Variants in MIDEAS observed in about 807,000 individuals in gnomAD.
MIDEAS encodes mitotic deacetylase associated SANT domain protein.
A neutral mutation model predicts 102.7 loss-of-function variants in MIDEAS; 26 were observed. That is an observed-to-expected ratio of 0.25 (90% confidence interval 0.19 to 0.35). The LOEUF is 0.35. MIDEAS is among the 10% of genes least tolerant of loss of function. The pLI, the probability that MIDEAS is intolerant of heterozygous loss-of-function variation, is 1.00. For missense variants in MIDEAS, 1,231 were observed against 1,435.6 expected, an observed-to-expected ratio of 0.86 and a Z score of 2.30; for synonymous variants, 585 against 591.0, an observed-to-expected ratio of 0.99 and a Z score of 0.15.
At position 73,740,011 on chromosome 14, in the gene MIDEAS, T is replaced by C. The variant is rs1474105773; in HGVS notation, c.-3A>G. The C allele has an allele frequency of 6.7e-7, 1 of 1,482,352 alleles. No homozygotes were observed. The highest frequency in any genetic ancestry group is 9.0e-7 in the Non-Finnish European group (1 of 1,113,864). 91.8% of individuals were successfully genotyped at this position (1,482,352 alleles called of 1,614,324 possible). On this transcript the variant is annotated 5_prime_UTR_variant, in exon 2 of 13. Coordinates refer to ENST00000423556, the MANE Select transcript of MIDEAS (RefSeq NM_001367710.1). ...TTGGGCTGGGCCTGGAGGTTCATGA[T>C]GTGGCCAACTGAGCCCTGGCGGTGA...
chr14:73,720,937 C>T (rs2052980757), intron 11 of MIDEAS, among the ~76,000 whole-genome samples: 1 of 152,190 alleles, frequency 6.6e-6, no homozygotes, highest in Non-Finnish European at 1.5e-5. Context: ...GTCTGCAAAC[C>T]ACCAATGCTC....
At position 73,759,867 on chromosome 14, in the gene MIDEAS, C is replaced by A. The variant is rs1362561015; in HGVS notation, c.-352G>T. 6.6e-6 allele frequency: 1 copy of A among 152,028 alleles called. No individual in the cohort carries two copies. Among genetic ancestry groups the A allele is most frequent in the Non-Finnish European group, 1.5e-5 (1 of 67,966 alleles). 9.4% of individuals were successfully genotyped at this position (152,028 alleles called of 1,614,324 possible). ...GACTCCAGCCGCCTGCACGCACTCCCGATTTTAAAAACAAACAGGCGCCGT... is the reference window on the plus strand; with the variant it reads ...GACTCCAGCCGCCTGCACGCACTCCAGATTTTAAAAACAAACAGGCGCCGT... On this transcript the variant is annotated 5_prime_UTR_variant, in exon 1 of 13. Coordinates refer to ENST00000423556, the MANE Select transcript of MIDEAS (RefSeq NM_001367710.1). This position sits in a 1 kb window ranked among gnomAD's most constrained non-coding sequence, Gnocchi z 6.7.
In MIDEAS at chr14:73,725,205, G is replaced by T; in HGVS notation, c.2574+67C>A. ...TTTTAAGAGGGATTGGTCACTGGCA[G>T]AGGGAGCCCCAAAGTCACACAGGCA... On this transcript the variant is annotated intron_variant, in intron 9 of 12. Coordinates refer to ENST00000423556, the MANE Select transcript of MIDEAS (RefSeq NM_001367710.1). The surrounding 1 kb of genome is among the most constrained non-coding windows in gnomAD (Gnocchi z 4.1). The T allele has an allele frequency of 1.6e-6, 2 of 1,285,318 alleles. No individual in the cohort carries two copies. The highest frequency in any genetic ancestry group is 1.2e-5 in the South Asian group (1 of 84,162). The allele number at this position is 1,285,318 out of a possible 1,614,324, so 79.6% of individuals were successfully genotyped here. A position where few individuals can be genotyped will look rare whatever the true frequency, so the allele number is the denominator to read the frequency against.
intron 1 of MIDEAS, among the ~76,000 whole-genome samples, chr14:73,753,987 G>T (rs2053452491): frequency 6.6e-6 from 1 of 152,232 alleles, no homozygotes; most frequent in Non-Finnish European, 1.5e-5. Context: ...GATGGCCAGA[G>T]GGAGGCTGAG....
intron 1 of MIDEAS, among the ~76,000 whole-genome samples, chr14:73,777,135 G>T (rs2053698546): frequency 6.6e-6 from 1 of 151,868 alleles, no homozygotes; most frequent in Non-Finnish European, 1.5e-5. Context: ...CCTAAGCAGG[G>T]CCAACCACAT....
chr14:73,756,295 T>TGTGCGCGCGCGCGC (rs55692592), intron 1 of MIDEAS, among the ~76,000 whole-genome samples: 2 of 127,626 alleles, frequency 1.6e-5, no homozygotes, highest in African/African-American at 5.4e-5. Flanking sequence ...TGTGTGTGTG[T>TGTGCGCGCGCGCGC]GCGCGCGCGC....
At chr14:73,746,494 C>G (rs2140135871) in intron 1 of MIDEAS, among the ~76,000 whole-genome samples, 1 of 152,312 alleles carries the variant, frequency 6.6e-6, no homozygotes, top group South Asian at 2.1e-4. Flanking sequence ...GGAGACTCAG[C>G]AGATGTTCCT....
chr14:73,730,034 G>T, intron 3 of MIDEAS, 49 bp from the exon 4 acceptor site: 1 of 1,576,726 alleles, frequency 6.3e-7, no homozygotes, highest in Non-Finnish European at 8.7e-7. Flanking sequence ...GTGTCCCAGA[G>T]AAAGTAAAGT....
At chr14:73,789,261 T>C (rs1036075625), upstream of MIDEAS, 10 of 150,318 alleles carry the variant, frequency 6.7e-5, no homozygotes, top group Non-Finnish European at 1.3e-4. Context: ...CCATACTGGG[T>C]CCTCTCTATG....
Position 73,740,102 on chromosome 14 carries a change from G to A in MIDEAS, c.-94C>T. On this transcript the variant is annotated 5_prime_UTR_variant, in exon 2 of 13. Transcript: ENST00000423556. ...TGCTGGAAGCCGGGCTCTAGTCCAG[G>A]AGCCAGGGAGGGCAGAGCAGGGGCA... is the stretch of plus-strand genomic sequence containing the variant. 1 of 1,398,474 alleles carries A rather than the reference G, an allele frequency of 7.2e-7. No homozygotes were observed. The highest frequency in any genetic ancestry group is 9.3e-7 in the Non-Finnish European group (1 of 1,076,604). The allele number at this position is 1,398,474 out of a possible 1,614,324, so 86.6% of individuals were successfully genotyped here. A position where few individuals can be genotyped will look rare whatever the true frequency, so the allele number is the denominator to read the frequency against.
At chr14:73,775,296 G>A (rs1158394834) in intron 1 of MIDEAS, among the ~76,000 whole-genome samples, 1 of 152,036 alleles carries the variant, frequency 6.6e-6, no homozygotes, top group Non-Finnish European at 1.5e-5. Flanking sequence ...TCCTTCTGCA[G>A]AACTTGGGCA....
chr14:73,787,121 G>C (rs1053925337), exon 1 of MIDEAS: 1 of 149,790 alleles, frequency 6.7e-6, no homozygotes, highest in Non-Finnish European at 1.5e-5. Context: ...GGATCCCCGG[G>C]CTGCTCGGAG....
chr14:73,720,707 C>T (rs978325564), intron 11 of MIDEAS, among the ~76,000 whole-genome samples: 1 of 152,328 alleles, frequency 6.6e-6, no homozygotes, highest in African/African-American at 2.4e-5. Flanking sequence ...CAGAGCACTG[C>T]ACTAGGAGTC....
At chr14:73,772,332 CAT>C (rs772300862) in intron 1 of MIDEAS, among the ~76,000 whole-genome samples, 9 of 152,270 alleles carry the variant, frequency 5.9e-5, no homozygotes, top group South Asian at 2.1e-4. Context: ...AACACACACA[CAT>C]GCTCTACCCA....
At chr14:73,778,930 T>A (rs973958980) in intron 1 of MIDEAS, among the ~76,000 whole-genome samples, 1 of 152,020 alleles carries the variant, frequency 6.6e-6, no homozygotes, top group Non-Finnish European at 1.5e-5. Context: ...GACCTTCTCA[T>A]GAGACACAGG....
At chr14:73,790,175 A>G (rs1412538542), upstream of MIDEAS, 3 of 152,276 alleles carry the variant, frequency 2.0e-5, no homozygotes, top group Non-Finnish European at 4.4e-5. Context: ...TTCTCTCAGC[A>G]TCATTTCCTC....
In MIDEAS at chr14:73,739,103, A is replaced by G. The variant is rs748846436; in HGVS notation, c.906T>C (p.Ala302=). The change falls in exon 2 of 13, where the codon GCT becomes GCC. Residue 302 remains alanine, a synonymous_variant. Coordinates refer to ENST00000423556, the MANE Select transcript of MIDEAS (RefSeq NM_001367710.1). ...AGGGGTAGGGTGCCATGCTGTGGTGAGCCAGGTGGGACTGTCCCAGTGGCC... is the reference window on the plus strand; with the variant it reads ...AGGGGTAGGGTGCCATGCTGTGGTGGGCCAGGTGGGACTGTCCCAGTGGCC... The part of the protein sequence containing the change: ...PAGPLGQSHL[A]HHSMAPYPFP... 1 of 1,602,934 alleles carries G rather than the reference A, an allele frequency of 6.2e-7. No homozygotes were observed. Among genetic ancestry groups the G allele is most frequent in the Non-Finnish European group, 8.5e-7 (1 of 1,173,000 alleles).
rs1348656854 is a variant in MIDEAS, at chr14:73,725,878, AGCTTT to A, written c.2485+150_2485+154del. Among the ~76,000 whole-genome samples, 3 of 151,984 alleles carry A rather than the reference AGCTTT, an allele frequency of 2.0e-5. No homozygotes were observed. The highest frequency in any genetic ancestry group is 4.8e-5 in the African/African-American group (2 of 41,368). On this transcript the variant is annotated intron_variant, in intron 8 of 12. Transcript: ENST00000423556. The surrounding 1 kb of genome is among the most constrained non-coding windows in gnomAD (Gnocchi z 4.1). ...CAGGAAACCCCTGGAGAGCTACCCC[AGCTTT>A]GGTGGCAGTTCCCTCACTCTGACTC...
At position 73,727,514 on chromosome 14, in the gene MIDEAS, T is replaced by A. The variant is rs748095406; in HGVS notation, c.2106A>T (p.Glu702Asp). 3 of 1,611,694 alleles carry A rather than the reference T, an allele frequency of 1.9e-6. No homozygotes were observed. In the East Asian group the frequency reaches 6.7e-5, roughly 36 times the overall value. Residue 702 changes from glutamate to aspartate, a missense_variant, in exon 5 of 13, where the codon GAA becomes GAT. Physicochemically the swap from Glu to Asp is conservative, Grantham distance 45. Transcript: ENST00000423556. ...TCACAGAGAGGACAGGCGGGGTTAC[T>A]TCAGCACTGTCTATGGGACAAAGAG... Reference protein sequence around the residue: ...HRTLLRTNSAEVTPPVLSVMG... With the variant: ...HRTLLRTNSADVTPPVLSVMG...
Sources: allele counts gnomAD v4.1 joint callset (sites outside exome capture counted in the v4.1 genomes callset), GRCh38; gene constraint gnomAD v4.1.1; non-coding constraint Gnocchi (gnomAD v3.1); transcripts MANE v1.5; gene names NCBI Gene and HGNC (gene_info 2026-07-23, HGNC 2026-07-21).